The following R3HDM1 variants were observed in gnomAD, a reference collection of about 807,000 sequenced individuals.
R3HDM1 encodes R3H domain-containing protein 1.
R3HDM1 carries 46 observed loss-of-function variants against 141.1 expected under a neutral mutation model. The observed-to-expected ratio is 0.33, with a 90% CI of 0.26 to 0.42. The LOEUF is 0.42. Among genes scored for constraint, R3HDM1 ranks in the 10% least tolerant of loss-of-function variants. R3HDM1 has a pLI of 1.00. For synonymous variants in R3HDM1, 435 were observed against 472.9 expected, an observed-to-expected ratio of 0.92 and a Z score of 1.04; for missense variants, 1,184 against 1,368.3, an observed-to-expected ratio of 0.87 and a Z score of 2.12.
chr2:135,615,900 C>T (rs1191118524), intron 3 of R3HDM1, among the ~76,000 whole-genome samples: 1 of 152,010 alleles, frequency 6.6e-6, no homozygotes, highest in African/African-American at 2.4e-5. Context: ...GAAATTGTGG[C>T]CATTTGCTGA....
intron 1 of R3HDM1, among the ~76,000 whole-genome samples, chr2:135,585,982 A>G (rs993446264): frequency 3.3e-5 from 5 of 152,228 alleles, no homozygotes; most frequent in Admixed American, 3.3e-4. Flanking sequence ...GCTTTTTGTT[A>G]GTAATACTAA....
chr2:135,636,097 C>T lies in R3HDM1; in HGVS notation c.817C>T (p.Arg273Cys), dbSNP rs1365924126. ...ATCCTCTTTTCTGTAGATGAGAATA[C>T]GTTTGAAAGATGACAGAAGAAGCAA... ...FDKDDNQMRI[R>C]LKDDRRSKSI... is the part of the protein sequence containing the mutation. Residue 273 changes from arginine to cysteine, a missense_variant, in exon 11 of 27, where the codon CGT (arginine) becomes TGT (cysteine). By Grantham distance (180) the Arg-to-Cys change is radical. This residue lies in a region of R3HDM1 where 240 missense variants were observed against 312.3 expected (regional missense o/e 0.77). Coordinates refer to ENST00000683871, the MANE Select transcript of R3HDM1 (RefSeq NM_001378107.1). 2.5e-6 allele frequency: 4 copies of T among 1,612,382 alleles called. No individual in the cohort carries two copies. Among genetic ancestry groups the T allele is most frequent in the East Asian group, 2.2e-5 (1 of 44,728 alleles).
Position 135,582,056 on chromosome 2 carries a change from C to G in R3HDM1, c.-249-20444C>G, listed in dbSNP as rs150480884. ...TCCTTTTAAAAATCCTTCCATCTTG[C>G]TGGGCTCACACCTGTAATCCTAGCA... On this transcript the variant is annotated intron_variant, in intron 1 of 26. Transcript: ENST00000683871. Among the ~76,000 whole-genome samples, 4 of 152,278 alleles carry G rather than the reference C, an allele frequency of 2.6e-5. No homozygotes were observed. In the East Asian group the frequency reaches 7.7e-4, roughly 29 times the overall value.
chr2:135,702,217 G>GGA (rs367664640), intron 21 of R3HDM1, among the ~76,000 whole-genome samples: 26 of 120,840 alleles, frequency 2.2e-4, no homozygotes, highest in South Asian at 9.1e-4. Context: ...GTCTCAGGGG[G>GGA]AAAAAAAAAA....
intron 18 of R3HDM1, among the ~76,000 whole-genome samples, chr2:135,654,650 T>C (rs759339114): frequency 1.3e-5 from 2 of 152,236 alleles, no homozygotes; most frequent in South Asian, 2.1e-4. Context: ...GGTTTCACCA[T>C]GTTGGCCAGG....
At position 135,710,070 on chromosome 2, in the gene R3HDM1, C is replaced by T; in HGVS notation, c.2575C>T (p.Pro859Ser). The change falls in exon 23 of 27, where the codon CCG becomes TCG. Residue 859 changes from proline (P) to serine (S), a missense_variant. Coordinates refer to ENST00000683871, the MANE Select transcript of R3HDM1 (RefSeq NM_001378107.1). ...ATTCTGATTTTCAGCTGGACCACCA[C>T]CGCCACCTGGTGGGGGGATGGTGAT... ...QGHQCTAGPP[P>S]PPGGGMVMMQ... is the part of the protein sequence containing the mutation. The T allele has an allele frequency of 6.2e-7, 1 of 1,613,366 alleles. No individual in the cohort carries two copies. Among genetic ancestry groups the T allele is most frequent in the Non-Finnish European group, 8.5e-7 (1 of 1,179,686 alleles).
At chr2:135,590,447 G>A in intron 1 of R3HDM1, 1 of 656,994 alleles carries the variant, frequency 1.5e-6, no homozygotes, top group Non-Finnish European at 1.9e-6. Flanking sequence ...GCTCCAATGA[G>A]ACAATTGTAA....
chr2:135,544,257 C>G (rs918722049), intron 1 of R3HDM1, among the ~76,000 whole-genome samples: 1 of 152,150 alleles, frequency 6.6e-6, no homozygotes, highest in African/African-American at 2.4e-5. Flanking sequence ...TTTAAATATA[C>G]TTATGTAGTA....
At chr2:135,628,916 G>A (rs969169847) in intron 7 of R3HDM1, among the ~76,000 whole-genome samples, 3 of 151,846 alleles carry the variant, frequency 2.0e-5, no homozygotes, top group East Asian at 1.9e-4. Context: ...GTGAGCCACC[G>A]CGCCCAGCTA....
At chr2:135,646,547 G>A (rs1042094585) in intron 16 of R3HDM1, among the ~76,000 whole-genome samples, 11 of 151,624 alleles carry the variant, frequency 7.3e-5, no homozygotes, top group African/African-American at 2.7e-4. Context: ...GAGTGATTTT[G>A]TATGAAAGAA....
At chr2:135,609,060 T>C (rs554660120) in intron 3 of R3HDM1, among the ~76,000 whole-genome samples, 1 of 152,196 alleles carries the variant, frequency 6.6e-6, no homozygotes, top group African/African-American at 2.4e-5. Context: ...GAAGAGACTT[T>C]ATGATTTTCT....
chr2:135,667,247 C>T, intron 19 of R3HDM1: 1 of 959,232 alleles, frequency 1.0e-6, no homozygotes, highest in Non-Finnish European at 1.2e-6. Flanking sequence ...TCTGTGGAGC[C>T]CTCCAGGGAA....
At chr2:135,593,885 A>G (rs1315206387) in intron 1 of R3HDM1, among the ~76,000 whole-genome samples, 4 of 151,892 alleles carry the variant, frequency 2.6e-5, no homozygotes, top group African/African-American at 9.7e-5. Flanking sequence ...ACACCCAGCT[A>G]ATTTTTGTAT....
intron 21 of R3HDM1, among the ~76,000 whole-genome samples, chr2:135,685,848 C>T (rs1168104205): frequency 6.6e-6 from 1 of 152,066 alleles, no homozygotes; most frequent in Non-Finnish European, 1.5e-5. Flanking sequence ...TTTATTTGTA[C>T]TTTTGTTTTC....
At chr2:135,630,348 A>ACTG (rs2062588084) in intron 7 of R3HDM1, among the ~76,000 whole-genome samples, 1 of 150,790 alleles carries the variant, frequency 6.6e-6, no homozygotes, top group Admixed American at 6.6e-5. Flanking sequence ...ACTATCATAT[A>ACTG]CTGAGTAGAA....
chr2:135,583,085 T>G, intron 1 of R3HDM1, among the ~76,000 whole-genome samples: 1 of 152,242 alleles, frequency 6.6e-6, no homozygotes, highest in East Asian at 1.9e-4. Flanking sequence ...CCAAGAAATT[T>G]AACGTTTATA....
At chr2:135,698,980 C>CAGATAGATAGATAGATAGAT (rs71400533) in intron 21 of R3HDM1, among the ~76,000 whole-genome samples, 1 of 78,130 alleles carries the variant, frequency 1.3e-5, no homozygotes, top group African/African-American at 4.8e-5. Context: ...ATATTACACT[C>CAGATAGATAGATAGATAGAT]AGATAGATAG....
intron 3 of R3HDM1, among the ~76,000 whole-genome samples, chr2:135,613,937 T>C (rs72988467): frequency 0.044 from 6,752 of 152,278 alleles, 504 homozygotes; most frequent in African/African-American, 0.16. Flanking sequence ...TAGAATTTAA[T>C]CCACAATAAA....
In R3HDM1 at chr2:135,710,183, G is replaced by T; in HGVS notation, c.2688G>T (p.Gln896His). 7.4e-6 allele frequency: 12 copies of T among 1,614,210 alleles called. No homozygotes were observed. Among genetic ancestry groups the T allele is most frequent in the Non-Finnish European group, 1.0e-5 (12 of 1,180,024 alleles). The change falls in exon 23 of 27, where the codon CAG becomes CAT. Residue 896 changes from glutamine (Q) to histidine (H), a missense_variant. This residue lies in a region of R3HDM1 where 563 missense variants were observed against 562.0 expected (regional missense o/e 1.00). Coordinates refer to ENST00000683871, the MANE Select transcript of R3HDM1 (RefSeq NM_001378107.1). ...AAAACAAATATTACTGTGATCACCA[G>T]AGAGGACAGAAGTGTGTAGAATTTA... ...WKQNKYYCDHQRGQKCVEFSS... is the reference protein window; with the variant it reads ...WKQNKYYCDHHRGQKCVEFSS...
Sources: allele counts gnomAD v4.1 joint callset (sites outside exome capture counted in the v4.1 genomes callset), GRCh38; gene constraint gnomAD v4.1.1; regional missense constraint gnomAD v4.1.1; transcripts MANE v1.5; gene names NCBI Gene and HGNC (gene_info 2026-07-23, HGNC 2026-07-21).